Variants in PDSS2 observed in about 807,000 individuals in gnomAD.
PDSS2 encodes decaprenyl diphosphate synthase subunit 2.
A neutral mutation model predicts 44.5 loss-of-function variants in PDSS2; 31 were observed. The observed-to-expected ratio is 0.70, with a 90% CI of 0.52 to 0.94. The LOEUF (loss-of-function observed/expected upper bound fraction) is 0.94. Among genes scored for constraint, PDSS2 ranks in the 40% least tolerant of loss-of-function variants. The probability of loss-of-function intolerance (pLI) is 0.00; values close to 1 mark genes in which losing one functional copy is unlikely to be tolerated. For synonymous variants in PDSS2, 157 were observed against 180.3 expected (o/e 0.87, Z 1.03); for missense variants, 452 against 482.2 (o/e 0.94, Z 0.59).
intron 1 of PDSS2, among the ~76,000 whole-genome samples, chr6:107,410,246 T>A (rs1780446867): frequency 1.3e-5 from 2 of 152,108 alleles, no homozygotes; most frequent in Non-Finnish European, 2.9e-5. Flanking sequence ...TTTTTTAAAT[T>A]GAAAGAACGT....
chr6:107,297,365 T>C (rs1458177530), intron 2 of PDSS2, among the ~76,000 whole-genome samples: 3 of 152,010 alleles, frequency 2.0e-5, no homozygotes, highest in Middle Eastern at 3.4e-3. Flanking sequence ...GTAAACAGTA[T>C]TTTTGGAGGT....
chr6:107,297,834 C>T (rs1776561785), intron 2 of PDSS2, among the ~76,000 whole-genome samples: 1 of 152,192 alleles, frequency 6.6e-6, no homozygotes, highest in Non-Finnish European at 1.5e-5. Context: ...CAACCTCCAC[C>T]TCCCAGGTTC....
intron 7 of PDSS2, among the ~76,000 whole-genome samples, chr6:107,179,438 G>A (rs988343335): frequency 3.3e-5 from 5 of 151,948 alleles, no homozygotes; most frequent in Admixed American, 6.6e-5. Flanking sequence ...CCGCCATTAC[G>A]CCTAGCTAAT....
rs578174531 is a variant in PDSS2, at chr6:107,263,011, G to A, written c.630+11018C>T. Among the ~76,000 whole-genome samples the A allele has an allele frequency of 3.3e-5, 5 of 152,134 alleles. No individual in the cohort carries two copies. The East Asian group carries it at 9.7e-4, about 29-fold the overall frequency. ...ATGAAATATGCATTAAAAAACCAGTGCCTACCCTCATCCTCTTATTAAACC... is the reference window on the plus strand; with the variant it reads ...ATGAAATATGCATTAAAAAACCAGTACCTACCCTCATCCTCTTATTAAACC... On this transcript the variant is annotated intron_variant, in intron 3 of 7. Coordinates refer to ENST00000369037, the MANE Select transcript of PDSS2 (RefSeq NM_020381.4).
chr6:107,439,798 G>C (rs540804317), intron 1 of PDSS2, among the ~76,000 whole-genome samples: 10 of 152,274 alleles, frequency 6.6e-5, no homozygotes, highest in African/African-American at 2.4e-4. Context: ...CTGGGGAGGA[G>C]CATATTTGGA....
At chr6:107,351,154 G>A (rs1778424244) in intron 1 of PDSS2, among the ~76,000 whole-genome samples, 1 of 152,122 alleles carries the variant, frequency 6.6e-6, no homozygotes, top group Admixed American at 6.5e-5. Context: ...TTATGAAGTT[G>A]AGGACAATGA....
intron 2 of PDSS2, among the ~76,000 whole-genome samples, chr6:107,296,160 C>G (rs928100106): frequency 2.0e-5 from 3 of 152,080 alleles, no homozygotes; most frequent in Non-Finnish European, 4.4e-5. Flanking sequence ...ACAAGTGGAC[C>G]TTTATTTTGT....
chr6:107,200,282 T>C (rs1435407902), intron 6 of PDSS2, among the ~76,000 whole-genome samples: 3 of 152,204 alleles, frequency 2.0e-5, no homozygotes, highest in African/African-American at 7.2e-5. Flanking sequence ...TAGTCCTTCA[T>C]TGGTTAATAA....
At chr6:107,245,102 G>A (rs1038390212) in intron 4 of PDSS2, among the ~76,000 whole-genome samples, 3 of 152,078 alleles carry the variant, frequency 2.0e-5, no homozygotes, top group African/African-American at 7.2e-5. Flanking sequence ...AGTAAATTAT[G>A]CATCTTGTAT....
chr6:107,201,550 CA>C (rs1242867564), intron 6 of PDSS2, among the ~76,000 whole-genome samples: 3 of 152,074 alleles, frequency 2.0e-5, no homozygotes, highest in Admixed American at 6.6e-5. Context: ...CTTTAAGAAA[CA>C]AACGTTTTTT....
At chr6:107,195,629 G>A (rs935756813) in intron 6 of PDSS2, among the ~76,000 whole-genome samples, 6 of 147,746 alleles carry the variant, frequency 4.1e-5, no homozygotes, top group Non-Finnish European at 3.0e-5. Flanking sequence ...GGTGTATCTC[G>A]GCTCACTGCA....
In PDSS2 at chr6:107,231,833, G is replaced by A. The variant is rs572420922; in HGVS notation, c.702+13715C>T. On this transcript the variant is annotated intron_variant, in intron 4 of 7. Transcript: ENST00000369037. Reference sequence around the variant, plus strand: ...ACAAATTAGCTGGGTGTGGTGGTGCGCACCTGTAATCCCAGCTATTCAGGA... The same window carrying A: ...ACAAATTAGCTGGGTGTGGTGGTGCACACCTGTAATCCCAGCTATTCAGGA... Among the ~76,000 whole-genome samples the A allele has an allele frequency of 1.4e-4, 21 of 152,104 alleles. No individual in the cohort carries two copies. The South Asian group carries it at 3.1e-3, about 23-fold the overall frequency.
rs74340534 is a variant in PDSS2, at chr6:107,156,214, T to C, written c.1042-1437A>G. ...CTGAATGCTTTTTTTTTTTTTTTTT[T>C]CCTGAGATGGAGTCTCGCTCTGTCA... On this transcript the variant is annotated intron_variant, in intron 7 of 7. Coordinates refer to ENST00000369037, the MANE Select transcript of PDSS2 (RefSeq NM_020381.4). Among the ~76,000 whole-genome samples the C allele has an allele frequency of 1.4e-3, 210 of 148,474 alleles. 1 individual carries two copies. Among genetic ancestry groups the C allele is most frequent in the African/African-American group, 5.0e-3 (198 of 39,674 alleles).
At chr6:107,387,991 C>T (rs570371069) in intron 1 of PDSS2, among the ~76,000 whole-genome samples, 1 of 152,276 alleles carries the variant, frequency 6.6e-6, no homozygotes, top group Non-Finnish European at 1.5e-5. Flanking sequence ...CAATCAATTA[C>T]ATTATTTTAG....
chr6:107,163,859 T>A (rs1554247121), intron 7 of PDSS2, among the ~76,000 whole-genome samples: 1 of 152,196 alleles, frequency 6.6e-6, no homozygotes, highest in Non-Finnish European at 1.5e-5. Flanking sequence ...CACCTCGGCC[T>A]CCCAAAGTGC....
chr6:107,405,333 G>A (rs1008147188), intron 1 of PDSS2, among the ~76,000 whole-genome samples: 15 of 151,776 alleles, frequency 9.9e-5, no homozygotes, highest in African/African-American at 2.7e-4. Context: ...ATAAAAACAC[G>A]TGTAAGTATA....
chr6:107,443,719 T>C (rs1367855148), intron 1 of PDSS2, among the ~76,000 whole-genome samples: 1 of 152,184 alleles, frequency 6.6e-6, no homozygotes, highest in East Asian at 1.9e-4. Flanking sequence ...ATTTATTATG[T>C]CTTAAATTCT....
Position 107,459,292 on chromosome 6 carries a change from A to G in PDSS2, c.-7T>C. 6.2e-7 allele frequency: 1 copy of G among 1,613,702 alleles called. No homozygotes were observed. Among genetic ancestry groups the G allele is most frequent in the Non-Finnish European group, 8.5e-7 (1 of 1,179,898 alleles). On this transcript the variant is annotated 5_prime_UTR_variant, in exon 1 of 8. Coordinates refer to ENST00000369037, the MANE Select transcript of PDSS2 (RefSeq NM_020381.4). The surrounding 1 kb of genome is among the most constrained non-coding windows in gnomAD (Gnocchi z 4.3). ...GCAGCTGCCGAAAGTTCATGGTTTG[A>G]GTCTGGAAGGGTCTGGGACCTGGGG... is the stretch of plus-strand genomic sequence containing the variant.
chr6:107,408,770 G>C (rs1437455547), intron 1 of PDSS2, among the ~76,000 whole-genome samples: 1 of 152,136 alleles, frequency 6.6e-6, no homozygotes, highest in African/African-American at 2.4e-5. Flanking sequence ...TAGAAATTTA[G>C]ATTTTTCAAC....
Sources: allele counts gnomAD v4.1 joint callset (sites outside exome capture counted in the v4.1 genomes callset), GRCh38; gene constraint gnomAD v4.1.1; non-coding constraint Gnocchi (gnomAD v3.1); transcripts MANE v1.5; gene names NCBI Gene and HGNC (gene_info 2026-07-23, HGNC 2026-07-21).